Variants in CAMKMT observed in about 807,000 individuals in gnomAD.
CAMKMT encodes the protein calmodulin-lysine N-methyltransferase.
In CAMKMT, 53 loss-of-function variants were observed where a neutral mutation model predicts 48.0. The ratio of observed to expected loss-of-function variants is 1.10; its 90% CI spans 0.89 to 1.39. The LOEUF (loss-of-function observed/expected upper bound fraction) is 1.39, where lower values mean the gene tolerates loss of function less well. CAMKMT is among the 40% of genes most tolerant of loss of function. The pLI is 0.00. For missense variants in CAMKMT, 428 were observed against 402.7 expected (o/e 1.06, Z -0.54); for synonymous variants, 165 against 152.3 (o/e 1.08, Z -0.61).
intron 7 of CAMKMT, among the ~76,000 whole-genome samples, chr2:44,722,704 C>A (rs1325598085): frequency 6.6e-6 from 1 of 151,980 alleles, no homozygotes; most frequent in Non-Finnish European, 1.5e-5. Context: ...CACCAAAAAG[C>A]AATAAATAAT....
chr2:44,579,997 A>G (rs1255547457), intron 3 of CAMKMT, among the ~76,000 whole-genome samples: 1 of 152,106 alleles, frequency 6.6e-6, no homozygotes, highest in Non-Finnish European at 1.5e-5. Flanking sequence ...TTTAGACCCA[A>G]TTCCTGTGGT....
At chr2:44,567,435 T>C (rs1425663671) in intron 3 of CAMKMT, among the ~76,000 whole-genome samples, 1 of 152,176 alleles carries the variant, frequency 6.6e-6, no homozygotes, top group Non-Finnish European at 1.5e-5. Context: ...TCAACTGGGA[T>C]AGAAAAATTA....
At chr2:44,748,448 G>T (rs555760309) in intron 8 of CAMKMT, among the ~76,000 whole-genome samples, 4 of 152,092 alleles carry the variant, frequency 2.6e-5, no homozygotes, top group South Asian at 4.2e-4. Flanking sequence ...GATATAAACC[G>T]AGTGTGGTCC....
intron 3 of CAMKMT, among the ~76,000 whole-genome samples, chr2:44,453,642 T>C (rs1320238104): frequency 6.6e-6 from 1 of 152,122 alleles, no homozygotes; most frequent in Non-Finnish European, 1.5e-5. Flanking sequence ...TTGTATCATG[T>C]AGTTTATAGC....
chr2:44,763,414 A>G (rs1442597338), intron 9 of CAMKMT, among the ~76,000 whole-genome samples: 1 of 152,236 alleles, frequency 6.6e-6, no homozygotes, highest in Non-Finnish European at 1.5e-5. Context: ...CCAAAGACTC[A>G]AATTCTTTAG....
At chr2:44,549,341 T>G (rs1405276533) in intron 3 of CAMKMT, among the ~76,000 whole-genome samples, 1 of 151,580 alleles carries the variant, frequency 6.6e-6, no homozygotes, top group Non-Finnish European at 1.5e-5. Flanking sequence ...CAGATTACTA[T>G]GATTATAGTT....
chr2:44,695,826 G>A (rs1287248518), intron 3 of CAMKMT, among the ~76,000 whole-genome samples: 1 of 151,714 alleles, frequency 6.6e-6, no homozygotes, highest in Non-Finnish European at 1.5e-5. Context: ...TCGGAAATCG[G>A]TGGCATCAGA....
chr2:44,418,637 A>T (rs192088000), intron 3 of CAMKMT, among the ~76,000 whole-genome samples: 117 of 152,278 alleles, frequency 7.7e-4, no homozygotes, highest in African/African-American at 2.7e-3. Flanking sequence ...TGTCATGATT[A>T]TTATAGCTTC....
chr2:44,768,363 T>TA (rs1558844484), intron 10 of CAMKMT, among the ~76,000 whole-genome samples: 2,219 of 71,804 alleles, frequency 0.031, 17 homozygotes, highest in Middle Eastern at 0.12. Flanking sequence ...ATATATATAT[T>TA]TTTTTTTTTT....
chr2:44,631,304 G>A (rs923586643), intron 3 of CAMKMT, among the ~76,000 whole-genome samples: 1 of 152,074 alleles, frequency 6.6e-6, no homozygotes, highest in Admixed American at 6.6e-5. Context: ...GCTAGATGAC[G>A]AGTTAGTGGG....
At chr2:44,666,723 G>A (rs1012734407) in intron 3 of CAMKMT, among the ~76,000 whole-genome samples, 5 of 151,438 alleles carry the variant, frequency 3.3e-5, no homozygotes, top group Non-Finnish European at 5.9e-5. Context: ...GGATTCTCCT[G>A]CCTCAGCCTC....
At chr2:44,393,756 A>G (rs1681569124) in intron 3 of CAMKMT, among the ~76,000 whole-genome samples, 1 of 152,168 alleles carries the variant, frequency 6.6e-6, no homozygotes, top group Non-Finnish European at 1.5e-5. Flanking sequence ...TTGGGTAACA[A>G]GGGAGTGCTC....
In CAMKMT at chr2:44,772,191, G is replaced by GGTAT; in HGVS notation, c.*79_*82dup. 8.1e-7 allele frequency: 1 copy of GGTAT among 1,241,520 alleles called. No individual in the cohort carries two copies. Among genetic ancestry groups the GGTAT allele is most frequent in the East Asian group, 2.3e-5 (1 of 43,026 alleles). The allele number at this position is 1,241,520 out of a possible 1,614,324, so 76.9% of individuals were successfully genotyped here. A position where few individuals can be genotyped will look rare whatever the true frequency, so the allele number is the denominator to read the frequency against. ...TTTACAAAAACGGAAATCTGTAAGG[G>GGTAT]GTATAATCGCCTGCCTGCGCCCTTT... On this transcript the variant is annotated 3_prime_UTR_variant, in exon 11 of 11. Coordinates refer to ENST00000378494, the MANE Select transcript of CAMKMT (RefSeq NM_024766.5).
chr2:44,754,702 A>C (rs1310321118), intron 9 of CAMKMT, among the ~76,000 whole-genome samples: 1 of 152,190 alleles, frequency 6.6e-6, no homozygotes, highest in Non-Finnish European at 1.5e-5. Flanking sequence ...ACATTTATAT[A>C]TCCATTTATG....
chr2:44,458,402 A>C (rs1558631346), intron 3 of CAMKMT, among the ~76,000 whole-genome samples: 1 of 152,160 alleles, frequency 6.6e-6, no homozygotes, highest in African/African-American at 2.4e-5. Context: ...GTAAATAGAG[A>C]GTAATCAAAC....
chr2:44,698,850 A>C (rs1477663186), intron 3 of CAMKMT, among the ~76,000 whole-genome samples: 2 of 152,228 alleles, frequency 1.3e-5, no homozygotes, highest in African/African-American at 4.8e-5. Flanking sequence ...CAATCCTCTC[A>C]AACCCTGCCA....
rs113033190 is a variant in CAMKMT, at chr2:44,686,314, A to G, written c.377-17969A>G. Among the ~76,000 whole-genome samples the G allele has an allele frequency of 4.5e-3, 686 of 151,642 alleles. 9 individuals are homozygous for G. Among genetic ancestry groups the G allele is most frequent in the African/African-American group, 0.016 (643 of 41,306 alleles). On this transcript the variant is annotated intron_variant, in intron 3 of 10. Transcript: ENST00000378494. The stretch of plus-strand genomic sequence containing the variant: ...AGGCTGAGTCAGGAGAATGGCGTGA[A>G]CCTGGGAGGCAAAGCTTGCAGTGAG...
chr2:44,695,258 A>G (rs1398471835), intron 3 of CAMKMT, among the ~76,000 whole-genome samples: 2 of 152,186 alleles, frequency 1.3e-5, no homozygotes, highest in Admixed American at 6.5e-5. Flanking sequence ...TGTACAGATT[A>G]TTTCATCACC....
chr2:44,525,418 A>G (rs6544761), intron 3 of CAMKMT, among the ~76,000 whole-genome samples: 79,021 of 151,808 alleles, frequency 0.52, 21,309 homozygotes, highest in South Asian at 0.59. Context: ...CCATACCCAG[A>G]TAATTTTTTG....
Sources: gnomAD v4.1 joint callset for allele counts (sites outside exome capture counted in the v4.1 genomes callset) on GRCh38, gnomAD v4.1.1 for gene constraint, MANE v1.5 for transcripts, NCBI Gene and HGNC (gene_info 2026-07-23, HGNC 2026-07-21) for gene names.